CS: variants seen among roughly 807,000 people sequenced by gnomAD.
The protein encoded by CS is citrate synthase, mitochondrial.
Under a neutral mutation model 61.4 loss-of-function variants are expected in CS, and 13 were observed. That is an observed-to-expected ratio of 0.21 (90% confidence interval 0.14 to 0.34). CS has a LOEUF of 0.34. Among genes scored for constraint, CS ranks in the 10% least tolerant of loss-of-function variants. The pLI, the probability that CS is intolerant of heterozygous loss-of-function variation, is 1.00. For synonymous variants in CS, 159 were observed against 215.2 expected (o/e 0.74, Z 2.29); for missense variants, 278 against 573.4 (o/e 0.48, Z 5.26).
chr12:56,271,701 T>C lies in CS; in HGVS notation c.*1383A>G. 6.6e-6 allele frequency: 2 copies of C among 304,110 alleles called. No individual in the cohort carries two copies. Among genetic ancestry groups the C allele is most frequent in the Non-Finnish European group, 1.3e-5 (2 of 153,538 alleles). 18.8% of individuals were successfully genotyped at this position (304,110 alleles called of 1,614,324 possible). A position where few individuals can be genotyped will look rare whatever the true frequency, so the allele number is the denominator to read the frequency against. On this transcript the variant is annotated 3_prime_UTR_variant, in exon 11 of 11. Coordinates refer to ENST00000351328, the MANE Select transcript of CS (RefSeq NM_004077.3). The stretch of plus-strand genomic sequence containing the variant: ...CCTTATTTAATAATAGGCTCAAGCA[T>C]TGTTAATAAAAACATTTATTTTGCA...
At chr12:56,275,227 A>G in intron 7 of CS, 96 bp from the exon 8 acceptor site, 2 of 1,440,002 alleles carry the variant, frequency 1.4e-6, no homozygotes, top group Non-Finnish European at 1.9e-6. Context: ...TAGCCTAGTT[A>G]TGGGCTCATG....
intron 1 of CS, among the ~76,000 whole-genome samples, chr12:56,288,346 ATTTTTTTTTTTTT>A (rs1164867172): frequency 8.1e-6 from 1 of 123,164 alleles, no homozygotes; most frequent in African/African-American, 3.1e-5. Flanking sequence ...GCTTTTTAGA[ATTTTTTTTTTTTT>A]TTTTTTTTTT....
intron 1 of CS, among the ~76,000 whole-genome samples, chr12:56,289,334 A>G (rs1474740182): frequency 6.6e-6 from 1 of 152,238 alleles, no homozygotes; most frequent in African/African-American, 2.4e-5. Context: ...AGAGTCCCAC[A>G]GATTCCCTAC....
chr12:56,275,051 G>C lies in CS; in HGVS notation c.869C>G (p.Ala290Gly), dbSNP rs1268001763. Residue 290 changes from alanine (A) to glycine (G), a missense_variant, in exon 8 of 11, where the codon GCA becomes GGA. Ala to Gly is a moderately conservative substitution (Grantham distance 60). This residue lies in a region of CS where 223 missense variants were observed against 503.5 expected (regional missense o/e 0.44). Coordinates refer to ENST00000351328, the MANE Select transcript of CS (RefSeq NM_004077.3). ...SALSDPYLSF[A>G]AAMNGLAGPL... ...CCCTGCCAGCCCGTTCATGGCTGCT[G>C]CAAAGGACAGGTAAGGGTCGGAAAG... is the stretch of plus-strand genomic sequence containing the variant. 1.2e-6 allele frequency: 2 copies of C among 1,614,230 alleles called. No individual in the cohort carries two copies. The highest frequency in any genetic ancestry group is 2.2e-5 in the South Asian group (2 of 91,090).
chr12:56,272,800 T>C lies in CS; in HGVS notation c.*284A>G. 1 of 247,526 alleles carries C rather than the reference T, an allele frequency of 4.0e-6. No homozygotes were observed. Among genetic ancestry groups the C allele is most frequent in the Non-Finnish European group, 7.7e-6 (1 of 129,038 alleles). 15.3% of individuals were successfully genotyped at this position (247,526 alleles called of 1,614,324 possible). A position where few individuals can be genotyped will look rare whatever the true frequency, so the allele number is the denominator to read the frequency against. On this transcript the variant is annotated 3_prime_UTR_variant, in exon 11 of 11. Transcript: ENST00000351328. Reference sequence around the variant, plus strand: ...AGCCAGATTCTCACTCTAGAGATAGTGAGGGGGCCAAACCTACTCATACCA... The same window carrying C: ...AGCCAGATTCTCACTCTAGAGATAGCGAGGGGGCCAAACCTACTCATACCA...
chr12:56,298,652 G>A (rs1873382932), intron 1 of CS: 7 of 985,318 alleles, frequency 7.1e-6, no homozygotes, highest in Non-Finnish European at 8.4e-6. Flanking sequence ...AGTAAGACAA[G>A]CATCTCCCAA....
At chr12:56,281,419 C>A (rs1243383325) in intron 6 of CS, among the ~76,000 whole-genome samples, 1 of 152,164 alleles carries the variant, frequency 6.6e-6, no homozygotes, top group Non-Finnish European at 1.5e-5. Flanking sequence ...GGATCTGGAG[C>A]CTACTCCAAG....
intron 1 of CS, among the ~76,000 whole-genome samples, chr12:56,287,789 G>A (rs1399764622): frequency 1.3e-5 from 2 of 151,794 alleles, no homozygotes; most frequent in Non-Finnish European, 2.9e-5. Context: ...TGAGTAGCTG[G>A]GATTACAGGC....
At chr12:56,273,289 G>C in intron 10 of CS, 35 bp from the exon 11 acceptor site, 3 of 1,601,812 alleles carry the variant, frequency 1.9e-6, no homozygotes, top group Non-Finnish European at 2.6e-6. Context: ...TTCATTTAAG[G>C]CAGAGGCAGT....
At chr12:56,285,413 G>A (rs1322579282) in intron 3 of CS, among the ~76,000 whole-genome samples, 1 of 152,122 alleles carries the variant, frequency 6.6e-6, no homozygotes, top group Non-Finnish European at 1.5e-5. Flanking sequence ...CTCCCCAGTA[G>A]CTGGGACTAC....
chr12:56,292,440 A>C (rs1334619086), intron 1 of CS, among the ~76,000 whole-genome samples: 1 of 151,764 alleles, frequency 6.6e-6, no homozygotes, highest in Non-Finnish European at 1.5e-5. Context: ...GGACAAATAC[A>C]AAATGTGAGG....
chr12:56,293,580 G>T (rs762165658), intron 1 of CS, among the ~76,000 whole-genome samples: 2 of 152,136 alleles, frequency 1.3e-5, no homozygotes, highest in Non-Finnish European at 2.9e-5. Flanking sequence ...AGCCAGGCGT[G>T]GTGGCACATG....
Position 56,273,675 on chromosome 12 carries a change from T to C in CS, c.1142A>G (p.Tyr381Cys). ...DPMFKLVAQL[Y>C]KIVPNVLLEQ... ...TAAGAGGACATTGGGCACAATCTTG[T>C]ACAGCTGAGCAACCAACTTAAACAT... The change falls in exon 10 of 11, where the codon TAC (tyrosine) becomes TGC (cysteine). Residue 381 changes from tyrosine (Y) to cysteine (C), a missense_variant. Coordinates refer to ENST00000351328, the MANE Select transcript of CS (RefSeq NM_004077.3). 1 of 1,614,176 alleles carries C rather than the reference T, an allele frequency of 6.2e-7. No homozygotes were observed. The highest frequency in any genetic ancestry group is 8.5e-7 in the Non-Finnish European group (1 of 1,180,024).
At chr12:56,279,387 C>G (rs1872708057) in intron 6 of CS, among the ~76,000 whole-genome samples, 1 of 152,136 alleles carries the variant, frequency 6.6e-6, no homozygotes, top group African/African-American at 2.4e-5. Context: ...CCTATAATCC[C>G]CAGCACTTTG....
At chr12:56,275,949 C>A in intron 7 of CS, 47 bp downstream of exon 7, 1 of 1,564,072 alleles carries the variant, frequency 6.4e-7, no homozygotes, top group Non-Finnish European at 8.8e-7. Context: ...AAAAAATTTC[C>A]CACCAATTGA....
intron 2 of CS, 46 bp from the exon 3 acceptor site, chr12:56,286,069 T>C (rs1379095478): frequency 1.3e-6 from 2 of 1,515,744 alleles, no homozygotes; most frequent in South Asian, 1.1e-5. Context: ...AAAAGTTTAT[T>C]AGATTTCCTG....
At chr12:56,277,508 A>G (rs1390982309) in intron 6 of CS, among the ~76,000 whole-genome samples, 1 of 152,014 alleles carries the variant, frequency 6.6e-6, no homozygotes, top group Admixed American at 6.6e-5. Flanking sequence ...CAAAAAATAA[A>G]AAAAAAAGAC....
chr12:56,295,845 T>C lies in CS; in HGVS notation c.42+4315A>G, dbSNP rs992009854. ...GGTGGGCGCCTACAGTCCCAGCTAC[T>C]CAGGAGGCTGAGGCAGGAGAATGGC... On this transcript the variant is annotated intron_variant, in intron 1 of 10. Transcript: ENST00000351328. Among the ~76,000 whole-genome samples the C allele has an allele frequency of 7.6e-5, 11 of 145,664 alleles. No individual in the cohort carries two copies. The Admixed American group carries it at 7.9e-4, about 10-fold the overall frequency.
intron 1 of CS, among the ~76,000 whole-genome samples, chr12:56,293,334 G>T (rs1053531793): frequency 1.4e-4 from 21 of 152,100 alleles, no homozygotes; most frequent in African/African-American, 4.8e-4. Flanking sequence ...AAAACCTTGG[G>T]GGAGGCTGGG....
Sources: allele counts gnomAD v4.1 joint callset (sites outside exome capture counted in the v4.1 genomes callset), GRCh38; gene constraint gnomAD v4.1.1; regional missense constraint gnomAD v4.1.1; transcripts MANE v1.5; gene names NCBI Gene and HGNC (gene_info 2026-07-23, HGNC 2026-07-21).